FA2H: variants seen among roughly 807,000 people sequenced by gnomAD.
The protein encoded by FA2H is fatty acid alpha-hydroxylase.
A neutral mutation model predicts 44.9 loss-of-function variants in FA2H; 22 were observed. That is an observed-to-expected ratio of 0.49 (90% CI 0.35 to 0.70). FA2H has a LOEUF of 0.70. FA2H is among the 30% of genes least tolerant of loss of function. The probability of loss-of-function intolerance (pLI) is 0.01; values close to 1 mark genes in which losing one functional copy is unlikely to be tolerated. For synonymous variants in FA2H, 243 were observed against 213.2 expected (o/e 1.14, Z -1.22); for missense variants, 501 against 504.9 (o/e 0.99, Z 0.07).
At chr16:74,740,654 A>AATAATG (rs1962277177) in intron 1 of FA2H, among the ~76,000 whole-genome samples, 1 of 147,704 alleles carries the variant, frequency 6.8e-6, no homozygotes, top group Admixed American at 6.8e-5. Context: ...TAATAATAAT[A>AATAATG]ATAATAATAA....
chr16:74,728,776 CTTTCT>C (rs1430442915), intron 2 of FA2H, among the ~76,000 whole-genome samples: 29 of 142,056 alleles, frequency 2.0e-4, no homozygotes, highest in Middle Eastern at 3.6e-3. Context: ...ATATTTATCT[CTTTCT>C]TTTTTTTTTT....
At position 74,766,788 on chromosome 16, in the gene FA2H, C is replaced by G. The variant is rs927201968; in HGVS notation, c.270+7698G>C. 1.6e-4 allele frequency among the ~76,000 whole-genome samples: 24 copies of G among 152,240 alleles called. No homozygotes were observed. In the East Asian group the frequency reaches 4.6e-3, roughly 29 times the overall value. On this transcript the variant is annotated intron_variant, in intron 1 of 6. Transcript: ENST00000219368. ...TTACTGTGAAGAGTAAGAAAAACATCAATAATACCCCAGACATAATACTGA... is the reference window on the plus strand; with the variant it reads ...TTACTGTGAAGAGTAAGAAAAACATGAATAATACCCCAGACATAATACTGA...
intron 1 of FA2H, among the ~76,000 whole-genome samples, chr16:74,749,172 T>C (rs181450420): frequency 4.5e-4 from 69 of 152,278 alleles, no homozygotes; most frequent in Admixed American, 8.5e-4. Context: ...GCTGGTTGTT[T>C]TTGGTAAAAG....
intron 2 of FA2H, among the ~76,000 whole-genome samples, chr16:74,730,719 C>G (rs1382573038): frequency 1.3e-5 from 2 of 152,212 alleles, no homozygotes; most frequent in Non-Finnish European, 2.9e-5. Flanking sequence ...TTTGTCCCAG[C>G]TACAGTAGCA....
At chr16:74,744,450 CTTTTT>C (rs35646878) in intron 1 of FA2H, among the ~76,000 whole-genome samples, 1 of 129,552 alleles carries the variant, frequency 7.7e-6, no homozygotes, top group Non-Finnish European at 1.6e-5. Flanking sequence ...CAGATGATGC[CTTTTT>C]TTTTTTTTTT....
At chr16:74,727,442 C>G in intron 2 of FA2H, 56 bp from the exon 3 acceptor site, 1 of 1,577,828 alleles carries the variant, frequency 6.3e-7, no homozygotes, top group Non-Finnish European at 8.7e-7. Flanking sequence ...CATATTCGTT[C>G]TCCCATTTCC....
intron 6 of FA2H, among the ~76,000 whole-genome samples, chr16:74,715,815 CTTTT>C (rs536329308): frequency 7.3e-6 from 1 of 136,360 alleles, no homozygotes. Context: ...TCTTCTTCTT[CTTTT>C]TTTTTTTTTT....
intron 1 of FA2H, among the ~76,000 whole-genome samples, chr16:74,761,454 AAAAAAAAGAAAGAAAG>A (rs1962707505): frequency 1.1e-5 from 1 of 89,500 alleles, no homozygotes; most frequent in Non-Finnish European, 2.2e-5. Flanking sequence ...CTCTGTCTCA[AAAAAAAAGAAAGAAAG>A]AAAGAAAGAA....
intron 4 of FA2H, among the ~76,000 whole-genome samples, chr16:74,725,706 C>G (rs1029273429): frequency 6.6e-6 from 1 of 152,174 alleles, no homozygotes; most frequent in South Asian, 2.1e-4. Context: ...TGGCAAGTGT[C>G]CCATAGAGGT....
chr16:74,716,498 T>C lies in FA2H; in HGVS notation c.888A>G (p.Val296=), dbSNP rs11554621. 0.15 allele frequency: 234,587 copies of C among 1,613,310 alleles called. 18,651 individuals are homozygous for C. Among genetic ancestry groups the C allele is most frequent in the African/African-American group, 0.22 (16,545 of 74,816 alleles). Residue 296 remains valine (V), a synonymous_variant, in exon 6 of 7, where the codon GTA becomes GTG. Transcript: ENST00000219368. ...GGCCCCCCGCAAACACAGTGCCCCC[T>C]ACTGCCTCGGGCAGGATGAGCTGCA... is the stretch of plus-strand genomic sequence containing the variant. The part of the protein sequence containing the change: ...LCMQLILPEA[V]GGTVFAGGLL...
intron 1 of FA2H, among the ~76,000 whole-genome samples, chr16:74,746,946 C>A (rs1403450967): frequency 2.6e-5 from 4 of 152,168 alleles, no homozygotes; most frequent in Non-Finnish European, 4.4e-5. Flanking sequence ...CTAGAGGAAG[C>A]AGCGGGTCAG....
At chr16:74,714,350 G>A in intron 6 of FA2H, 81 bp from the exon 7 acceptor site, 1 of 875,842 alleles carries the variant, frequency 1.1e-6, no homozygotes, top group African/African-American at 1.7e-5. Flanking sequence ...GCCAGGGTAG[G>A]GATAAGAGGT....
At chr16:74,728,354 G>A (rs1961999791) in intron 2 of FA2H, among the ~76,000 whole-genome samples, 2 of 152,214 alleles carry the variant, frequency 1.3e-5, no homozygotes, top group Admixed American at 1.3e-4. Flanking sequence ...AAAGCAGGCT[G>A]AGATCCAGAG....
At chr16:74,755,738 C>T (rs367723453) in intron 1 of FA2H, among the ~76,000 whole-genome samples, 12 of 152,122 alleles carry the variant, frequency 7.9e-5, no homozygotes, top group African/African-American at 2.4e-4. Context: ...TTTTTCTTTC[C>T]AAAGCAGTCT....
intron 1 of FA2H, among the ~76,000 whole-genome samples, chr16:74,773,931 G>A (rs1310063856): frequency 6.6e-6 from 1 of 152,192 alleles, no homozygotes; most frequent in East Asian, 1.9e-4. Context: ...GAGGTTGGAG[G>A]ACACAGTCCA....
chr16:74,774,361 C>T, intron 1 of FA2H, 125 bp downstream of exon 1: 28 of 875,272 alleles, frequency 3.2e-5, no homozygotes, highest in Non-Finnish European at 4.2e-5. Context: ...AGAGGGAAAG[C>T]GAGGGAAGGG....
At chr16:74,719,259 T>TGGG in intron 4 of FA2H, 99 bp from the exon 5 acceptor site, 1 of 1,054,276 alleles carries the variant, frequency 9.5e-7, no homozygotes. Context: ...CGGGAGCTGC[T>TGGG]GCCCTCTGTT....
At chr16:74,726,659 T>A in intron 3 of FA2H, among the ~76,000 whole-genome samples, 1 of 152,198 alleles carries the variant, frequency 6.6e-6, no homozygotes, top group South Asian at 2.1e-4. Context: ...AGTGTTGGGA[T>A]TACAGGCGTG....
intron 4 of FA2H, among the ~76,000 whole-genome samples, chr16:74,722,911 CA>C (rs554074212): frequency 0.024 from 2,729 of 112,148 alleles, 62 homozygotes; most frequent in African/African-American, 0.085. Context: ...AACTCCATCT[CA>C]AAAAAAAAAA....
Sources: allele counts gnomAD v4.1 joint callset (sites outside exome capture counted in the v4.1 genomes callset), GRCh38; gene constraint gnomAD v4.1.1; transcripts MANE v1.5; gene names NCBI Gene and HGNC (gene_info 2026-07-23, HGNC 2026-07-21).